MAF: variants seen among roughly 807,000 people sequenced by gnomAD.
MAF encodes the protein transcription factor Maf.
MAF carries 10 observed loss-of-function variants against 22.0 expected under a neutral mutation model. The observed-to-expected ratio is 0.45, with a 90% confidence interval of 0.28 to 0.77. The LOEUF is 0.77. Among genes scored for constraint, MAF ranks in the 30% least tolerant of loss-of-function variants. MAF has a pLI of 0.12. For synonymous variants in MAF, 337 were observed against 255.8 expected, an observed-to-expected ratio of 1.32 and a Z score of -3.03; for missense variants, 544 against 548.4, an observed-to-expected ratio of 0.99 and a Z score of 0.08.
At chr16:79,261,966 G>A in the MAF span, among the ~76,000 whole-genome samples, 1 of 152,154 alleles carries the variant, frequency 6.6e-6, no homozygotes, top group Admixed American at 6.5e-5. Context: ...GACTTTTCAC[G>A]AGTTATTCCA....
At chr16:79,474,883 G>A in the MAF span, among the ~76,000 whole-genome samples, 1 of 152,188 alleles carries the variant, frequency 6.6e-6, no homozygotes, top group South Asian at 2.1e-4. Context: ...TAAAAGCAAA[G>A]GAGTGTGATT....
chr16:79,449,357 T>C, the MAF span, among the ~76,000 whole-genome samples: 1 of 152,202 alleles, frequency 6.6e-6, no homozygotes, highest in Non-Finnish European at 1.5e-5. Context: ...AACTTTTATA[T>C]GCAGTGAGAA....
the MAF span, among the ~76,000 whole-genome samples, chr16:79,333,754 G>C: frequency 1.3e-5 from 2 of 152,152 alleles, no homozygotes; most frequent in Non-Finnish European, 2.9e-5. Flanking sequence ...CACCTCACCT[G>C]GATCTGGTGA....
At chr16:79,540,171 G>A in the MAF span, among the ~76,000 whole-genome samples, 7 of 151,968 alleles carry the variant, frequency 4.6e-5, no homozygotes, top group Middle Eastern at 3.4e-3. Context: ...ACCAGAGGCT[G>A]TAAAGGAATG....
At chr16:79,476,342 G>T in the MAF span, among the ~76,000 whole-genome samples, 36 of 152,318 alleles carry the variant, frequency 2.4e-4, 1 homozygote, top group Middle Eastern at 6.8e-3. Flanking sequence ...AATATACTGT[G>T]AGATAAATAA....
chr16:79,428,193 G>C, the MAF span, among the ~76,000 whole-genome samples: 3 of 151,552 alleles, frequency 2.0e-5, no homozygotes, highest in East Asian at 1.9e-4. Flanking sequence ...AATAGATGGA[G>C]TGTCTTTCAG....
chr16:79,376,670 C>G, the MAF span, among the ~76,000 whole-genome samples: 1 of 152,116 alleles, frequency 6.6e-6, no homozygotes, highest in African/African-American at 2.4e-5. Context: ...AATGCTATCC[C>G]TCTCTCCTCC....
the MAF span, among the ~76,000 whole-genome samples, chr16:79,478,146 AT>A: frequency 6.6e-6 from 1 of 152,216 alleles, no homozygotes; most frequent in African/African-American, 2.4e-5. Flanking sequence ...TGAAACTCAA[AT>A]GTCAAACTTT....
the MAF span, among the ~76,000 whole-genome samples, chr16:79,283,412 TCTC>T: frequency 6.6e-6 from 1 of 152,200 alleles, no homozygotes; most frequent in African/African-American, 2.4e-5. Context: ...GGTAAAAAGT[TCTC>T]CTCATTCTAG....
the MAF span, among the ~76,000 whole-genome samples, chr16:79,487,744 G>T: frequency 3.9e-5 from 6 of 152,154 alleles, no homozygotes; most frequent in African/African-American, 1.4e-4. Context: ...CTCAACTTCG[G>T]AGACTACATC....
the MAF span, among the ~76,000 whole-genome samples, chr16:79,341,316 G>A: frequency 7.2e-5 from 11 of 152,270 alleles, no homozygotes; most frequent in East Asian, 1.2e-3. Flanking sequence ...CTTGTATAGC[G>A]CTATGGTGAG....
At chr16:79,271,937 CGG>C in the MAF span, among the ~76,000 whole-genome samples, 2 of 152,168 alleles carry the variant, frequency 1.3e-5, no homozygotes, top group Non-Finnish European at 2.9e-5. Context: ...AACAGCAAAA[CGG>C]GGGCCCACAC....
At chr16:79,383,702 C>T in the MAF span, among the ~76,000 whole-genome samples, 10,386 of 152,000 alleles carry the variant, frequency 0.068, 600 homozygotes, top group East Asian at 0.27. Flanking sequence ...GTCACAGAAC[C>T]CTGTGTTTAC....
At chr16:79,482,590 G>T in the MAF span, among the ~76,000 whole-genome samples, 1 of 152,116 alleles carries the variant, frequency 6.6e-6, no homozygotes, top group Non-Finnish European at 1.5e-5. Context: ...ATCACCACCT[G>T]CTCCTTCCCA....
At chr16:79,536,074 C>A in the MAF span, among the ~76,000 whole-genome samples, 1 of 152,298 alleles carries the variant, frequency 6.6e-6, no homozygotes, top group South Asian at 2.1e-4. Flanking sequence ...AATACTTAAC[C>A]AGACAGATAA....
At chr16:79,244,018 C>G in the MAF span, among the ~76,000 whole-genome samples, 392 of 151,434 alleles carry the variant, frequency 2.6e-3, 4 homozygotes, top group Admixed American at 6.2e-3. Flanking sequence ...ATTCAACAAC[C>G]CTTCATGCTA....
chr16:79,312,121 A>T, the MAF span, among the ~76,000 whole-genome samples: 1 of 150,278 alleles, frequency 6.7e-6, no homozygotes, highest in Non-Finnish European at 1.5e-5. Flanking sequence ...TACCCCCTTC[A>T]TCATCATCAT....
chr16:79,587,619 A>T (rs1188642118), intron 1 of MAF, among the ~76,000 whole-genome samples: 1 of 152,192 alleles, frequency 6.6e-6, no homozygotes, highest in Admixed American at 6.5e-5. Context: ...TTAGAAAATT[A>T]TTACAGAGCA....
At chr16:79,334,976 G>A in the MAF span, among the ~76,000 whole-genome samples, 5 of 151,752 alleles carry the variant, frequency 3.3e-5, no homozygotes, top group Admixed American at 6.6e-5. Flanking sequence ...CACCAGGTCA[G>A]GAGATTGAGA....
Sources: gnomAD v4.1 joint callset for allele counts (sites outside exome capture counted in the v4.1 genomes callset) on GRCh38, gnomAD v4.1.1 for gene constraint, MANE v1.5 for transcripts, NCBI Gene and HGNC (gene_info 2026-07-23, HGNC 2026-07-21) for gene names.